The following DNAJC6 variants were observed in gnomAD, a reference collection of about 807,000 sequenced individuals.
DNAJC6 encodes DnaJ heat shock protein family (Hsp40) member C6, also known as auxilin.
Under a neutral mutation model 110.0 loss-of-function variants are expected in DNAJC6, and 34 were observed. That is an observed-to-expected ratio of 0.31 (90% CI 0.24 to 0.41). The LOEUF (loss-of-function observed/expected upper bound fraction) is 0.41, where lower values mean the gene tolerates loss of function less well. Ranked by LOEUF, DNAJC6 falls within the 10% of genes least tolerant of loss-of-function variation. DNAJC6 has a pLI of 1.00. For synonymous variants in DNAJC6, 406 were observed against 437.2 expected, an observed-to-expected ratio of 0.93 and a Z score of 0.89; for missense variants, 1,031 against 1,207.8, an observed-to-expected ratio of 0.85 and a Z score of 2.17.
At chr1:65,297,307 G>A (rs1248732759) in intron 1 of DNAJC6, among the ~76,000 whole-genome samples, 2 of 152,152 alleles carry the variant, frequency 1.3e-5, no homozygotes, top group African/African-American at 2.4e-5. Context: ...TTGACTGAGG[G>A]TGATAGGAAA....
At chr1:65,344,306 C>A (rs1010081687) in intron 1 of DNAJC6, among the ~76,000 whole-genome samples, 1 of 152,172 alleles carries the variant, frequency 6.6e-6, no homozygotes. Flanking sequence ...CTTGTAGATA[C>A]ATGCACATGT....
rs1281818528 is a variant in DNAJC6, at chr1:65,412,983, C to T, written c.2871C>T (p.Ala957=). ...AKMIFMELND[A]WSEFENQGQK... Reference sequence around the variant, plus strand: ...TGATTTTCATGGAGCTCAATGATGCCTGGTCTGAATTTGAAAACCAAGGCC... The same window carrying T: ...TGATTTTCATGGAGCTCAATGATGCTTGGTCTGAATTTGAAAACCAAGGCC... The change falls in exon 19 of 19, where the codon GCC becomes GCT. Residue 957 remains alanine, a synonymous_variant. Transcript: ENST00000371069. 6.2e-7 allele frequency: 1 copy of T among 1,614,088 alleles called. No homozygotes were observed. Among genetic ancestry groups the T allele is most frequent in the Admixed American group, 1.7e-5 (1 of 60,008 alleles).
At chr1:65,268,769 A>G (rs1653415622) in intron 1 of DNAJC6, among the ~76,000 whole-genome samples, 4 of 152,218 alleles carry the variant, frequency 2.6e-5, no homozygotes, top group Admixed American at 2.0e-4. Context: ...TTAGAAAATG[A>G]TGGCTTTTGA....
chr1:65,283,168 TTATG>T (rs1653906416), intron 1 of DNAJC6, among the ~76,000 whole-genome samples: 1 of 152,106 alleles, frequency 6.6e-6, no homozygotes, highest in Non-Finnish European at 1.5e-5. Context: ...ATGCACTAGT[TTATG>T]TGTGTGTGTT....
At chr1:65,265,878 C>G (rs1434356222) in intron 1 of DNAJC6, among the ~76,000 whole-genome samples, 1 of 151,860 alleles carries the variant, frequency 6.6e-6, no homozygotes, top group East Asian at 1.9e-4. Context: ...CGCGGCGGTG[C>G]CGGGCCCCTG....
chr1:65,393,899 G>A (rs148320594), intron 12 of DNAJC6, among the ~76,000 whole-genome samples: 36 of 152,278 alleles, frequency 2.4e-4, no homozygotes, highest in Non-Finnish European at 2.4e-4. Flanking sequence ...TCCTTCATGA[G>A]TGTGGGTCTC....
At chr1:65,301,800 G>T (rs1200518494) in intron 1 of DNAJC6, among the ~76,000 whole-genome samples, 1 of 151,828 alleles carries the variant, frequency 6.6e-6, no homozygotes, top group Non-Finnish European at 1.5e-5. Context: ...GTGATTCATG[G>T]ACAAAAAGTA....
At chr1:65,279,392 C>T (rs1175120743) in intron 1 of DNAJC6, 1 of 153,366 alleles carries the variant, frequency 6.5e-6, no homozygotes, top group Admixed American at 6.5e-5. Context: ...TGGGAGCTGT[C>T]TCCTCCCCCT....
At chr1:65,303,611 T>C (rs1265707711) in intron 1 of DNAJC6, among the ~76,000 whole-genome samples, 3 of 151,910 alleles carry the variant, frequency 2.0e-5, no homozygotes, top group Non-Finnish European at 4.4e-5. Context: ...CAGGCTGGAG[T>C]GCAGTGGCAT....
At chr1:65,386,258 A>G (rs1645871191) in intron 7 of DNAJC6, among the ~76,000 whole-genome samples, 1 of 152,240 alleles carries the variant, frequency 6.6e-6, no homozygotes, top group Admixed American at 6.5e-5. Flanking sequence ...TAAGTGAGCA[A>G]CTAGGTAGAC....
intron 1 of DNAJC6, among the ~76,000 whole-genome samples, chr1:65,272,367 A>T (rs1653532841): frequency 6.6e-6 from 1 of 152,244 alleles, no homozygotes; most frequent in African/African-American, 2.4e-5. Flanking sequence ...ATGTTAAACC[A>T]ACTTTGCACT....
intron 4 of DNAJC6, among the ~76,000 whole-genome samples, chr1:65,370,870 C>T (rs11208637): frequency 0.67 from 101,175 of 152,062 alleles, 34,428 homozygotes; most frequent in African/African-American, 0.83. Flanking sequence ...CCAAAGAGGT[C>T]GCTACAGCTC....
upstream of DNAJC6, among the ~76,000 whole-genome samples, chr1:65,305,946 C>T (rs1645033048): frequency 6.6e-6 from 1 of 152,056 alleles, no homozygotes; most frequent in Non-Finnish European, 1.5e-5. Context: ...TTACTATAAC[C>T]TTATTATGAT....
intron 18 of DNAJC6, among the ~76,000 whole-genome samples, chr1:65,412,429 C>T (rs1217179577): frequency 6.6e-6 from 1 of 152,158 alleles, no homozygotes; most frequent in Non-Finnish European, 1.5e-5. Context: ...CATCTCTCCA[C>T]ATTTTTTTGT....
chr1:65,294,343 A>C (rs1183719685), intron 1 of DNAJC6, among the ~76,000 whole-genome samples: 3 of 152,218 alleles, frequency 2.0e-5, no homozygotes, highest in Non-Finnish European at 4.4e-5. Context: ...AATAAGAAGC[A>C]GAAAATGTAG....
At chr1:65,379,631 A>C in intron 5 of DNAJC6, 107 bp downstream of exon 5, 1 of 1,443,326 alleles carries the variant, frequency 6.9e-7, no homozygotes, top group Non-Finnish European at 9.3e-7. Flanking sequence ...GGATTTACTG[A>C]GCCCATATTT....
intron 1 of DNAJC6, among the ~76,000 whole-genome samples, chr1:65,301,302 C>G (rs1411364080): frequency 1.3e-5 from 2 of 152,052 alleles, no homozygotes; most frequent in East Asian, 3.9e-4. Context: ...AAATTAAAGG[C>G]TTCTGTGATC....
intron 4 of DNAJC6, among the ~76,000 whole-genome samples, chr1:65,372,085 T>C (rs974109080): frequency 1.3e-5 from 2 of 152,034 alleles, no homozygotes; most frequent in Admixed American, 6.6e-5. Context: ...TATTAGCCTA[T>C]TGTGCTAAGA....
At chr1:65,328,002 A>G (rs1449109579) in intron 1 of DNAJC6, among the ~76,000 whole-genome samples, 1 of 152,232 alleles carries the variant, frequency 6.6e-6, no homozygotes, top group Non-Finnish European at 1.5e-5. Flanking sequence ...GGCGTGAGCC[A>G]CCATGCCCAG....
Sources: gnomAD v4.1 joint callset for allele counts (sites outside exome capture counted in the v4.1 genomes callset) on GRCh38, gnomAD v4.1.1 for gene constraint, MANE v1.5 for transcripts, NCBI Gene and HGNC (gene_info 2026-07-23, HGNC 2026-07-21) for gene names.